The following TMEM236 variants were observed in gnomAD, a reference collection of about 807,000 sequenced individuals.
TMEM236 encodes the protein transmembrane protein 236.
A neutral mutation model predicts 14.7 loss-of-function variants in TMEM236; 11 were observed. The ratio of observed to expected loss-of-function variants is 0.75; its 90% confidence interval spans 0.47 to 1.24. The LOEUF is 1.24. TMEM236 is among the 50% of genes most tolerant of loss of function. TMEM236 has a pLI of 0.00. For missense variants in TMEM236, 464 were observed against 427.3 expected, an observed-to-expected ratio of 1.09 and a Z score of -0.76; for synonymous variants, 182 against 168.6, an observed-to-expected ratio of 1.08 and a Z score of -0.62.
rs1024864510 is a variant in TMEM236 at position 17,761,708 on chromosome 10, A to G, written c.257+9156A>G. On this transcript the variant is annotated intron_variant, in intron 1 of 3. Transcript: ENST00000377495. ...GACTATGTCTCAAAAAAAAAAAAAA[A>G]AAAGAAAAGGAAGTTTTCTGTATCT... Among the ~76,000 whole-genome samples the G allele has an allele frequency of 4.6e-5, 7 of 151,634 alleles. No homozygotes were observed. The East Asian group carries it at 1.2e-3, about 25-fold the overall frequency.
intron 1 of TMEM236, among the ~76,000 whole-genome samples, chr10:17,764,829 G>T (rs1009059898): frequency 0.26 from 24,191 of 93,494 alleles, 2,606 homozygotes; most frequent in African/African-American, 0.42. Context: ...TCTGTTTTCA[G>T]ATTTTCCCTT....
chr10:17,782,378 G>A (rs1837765953), intron 3 of TMEM236, among the ~76,000 whole-genome samples: 1 of 151,922 alleles, frequency 6.6e-6, no homozygotes, highest in East Asian at 1.9e-4. Flanking sequence ...CATGTGTTAA[G>A]AAAACCTATT....
At chr10:17,758,226 A>G (rs1837310006) in intron 1 of TMEM236, among the ~76,000 whole-genome samples, 1 of 152,264 alleles carries the variant, frequency 6.6e-6, no homozygotes, top group East Asian at 1.9e-4. Context: ...GATTGAGCAT[A>G]TGAATTATTT....
intron 3 of TMEM236, among the ~76,000 whole-genome samples, chr10:17,779,742 G>T (rs1356430472): frequency 1.3e-5 from 2 of 152,002 alleles, no homozygotes; most frequent in East Asian, 3.9e-4. Context: ...ACCCACAGTG[G>T]GTCTCCTGTG....
intron 3 of TMEM236, among the ~76,000 whole-genome samples, chr10:17,791,274 C>T (rs544038977): frequency 1.6e-4 from 23 of 145,144 alleles, no homozygotes; most frequent in South Asian, 4.4e-4. Flanking sequence ...GCAAGTCATC[C>T]GTGTCTCTAT....
chr10:17,774,677 A>AT (rs1306091812), intron 2 of TMEM236, among the ~76,000 whole-genome samples: 1 of 151,944 alleles, frequency 6.6e-6, no homozygotes, highest in African/African-American at 2.4e-5. Context: ...TGCCTTTTTA[A>AT]TTTTCATATA....
chr10:17,754,921 A>T (rs1837261285), intron 1 of TMEM236, among the ~76,000 whole-genome samples: 1 of 93,946 alleles, frequency 1.1e-5, no homozygotes, highest in African/African-American at 4.7e-5. Flanking sequence ...TTTCATACTG[A>T]TGTTTTATTT....
In TMEM236 at chr10:17,771,360, C is replaced by A. The variant is rs782118250; in HGVS notation, c.309C>A (p.Thr103=). ...TCCTCACCACACTGCCCTGCCTCAC[C>A]TTTTCCATAGCAGTGACTGAGGTAT... ...CVVLTTLPCL[T]FSIAVTEVQK... The change falls in exon 2 of 4, where the codon ACC becomes ACA. Residue 103 remains threonine (T), a synonymous_variant. Transcript: ENST00000377495. The A allele has an allele frequency of 1.5e-5, 24 of 1,613,782 alleles. No homozygotes were observed. Among genetic ancestry groups the A allele is most frequent in the Middle Eastern group, 3.3e-4 (2 of 6,078 alleles).
chr10:17,752,346 T>C lies in TMEM236; in HGVS notation c.51T>C (p.Phe17=). Residue 17 remains phenylalanine (F), a synonymous_variant, in exon 1 of 4, where the codon TTT becomes TTC. Transcript: ENST00000377495. ...TCGTGGTTTTTGAGCTCCTAGAGTT[T>C]GCCGCTTTCTCCATCCCCACACTCG... ...IKFVVFELLE[F]AAFSIPTLVI... The C allele has an allele frequency of 4.3e-6, 7 of 1,613,846 alleles. No homozygotes were observed. The Admixed American group carries it at 1.2e-4, about 27-fold the overall frequency.
At position 17,799,773 on chromosome 10, in the gene TMEM236, A is replaced by C. The variant is rs1023036989; in HGVS notation, c.*3269A>C. On this transcript the variant is annotated 3_prime_UTR_variant, in exon 4 of 4. Coordinates refer to ENST00000377495, the MANE Select transcript of TMEM236 (RefSeq NM_001098844.3). ...GTGCTCAGATAAACTCAAAAGTATT[A>C]CTTGAGTTTAGAATGCATTTTGTAT... 6.6e-6 allele frequency: 1 copy of C among 152,598 alleles called. No homozygotes were observed. Among genetic ancestry groups the C allele is most frequent in the African/African-American group, 2.4e-5 (1 of 41,434 alleles). The allele number at this position is 152,598 out of a possible 1,614,324, so 9.5% of individuals were successfully genotyped here. A position where few individuals can be genotyped will look rare whatever the true frequency, so the allele number is the denominator to read the frequency against.
intron 3 of TMEM236, among the ~76,000 whole-genome samples, chr10:17,784,251 G>A (rs930745676): frequency 4.7e-4 from 71 of 152,202 alleles, no homozygotes; most frequent in Non-Finnish European, 8.7e-4. Flanking sequence ...ATACAAGTTG[G>A]TTAATTTATA....
rs781848506 is a variant in TMEM236 at position 17,774,798 on chromosome 10, TTCTC to T, written c.331-1209_331-1206del. ...CTCCCTCCCTCCTTCCCTACCTCCT[TTCTC>T]TCTCTCTCTCTCTCTCTCTCTTTCT... On this transcript the variant is annotated intron_variant, in intron 2 of 3. Coordinates refer to ENST00000377495, the MANE Select transcript of TMEM236 (RefSeq NM_001098844.3). Among the ~76,000 whole-genome samples the T allele has an allele frequency of 6.5e-4, 92 of 142,154 alleles. No homozygotes were observed. In the South Asian group the frequency reaches 0.011, roughly 16 times the overall value. The allele number at this position is 142,154 out of a possible 152,430, so 93.3% of individuals were successfully genotyped here. A position where few individuals can be genotyped will look rare whatever the true frequency, so the allele number is the denominator to read the frequency against.
intron 3 of TMEM236, among the ~76,000 whole-genome samples, chr10:17,792,191 AAT>A (rs1837936516): frequency 6.6e-6 from 1 of 152,070 alleles, no homozygotes; most frequent in South Asian, 2.1e-4. Context: ...GGGTTCAAGT[AAT>A]TTTCCTGCCT....
intron 3 of TMEM236, among the ~76,000 whole-genome samples, chr10:17,787,991 TGA>T (rs1837866177): frequency 6.6e-6 from 1 of 152,060 alleles, no homozygotes; most frequent in Non-Finnish European, 1.5e-5. Context: ...TCTTTGGCAA[TGA>T]GATAACTATA....
rs1304376384 is a variant in TMEM236 at position 17,773,967 on chromosome 10, TAGA to T, written c.331-2058_331-2056del. Among the ~76,000 whole-genome samples the T allele has an allele frequency of 2.6e-5, 4 of 152,218 alleles. No homozygotes were observed. In the East Asian group the frequency reaches 5.8e-4, roughly 22 times the overall value. ...GGATAGTGCTTGGGTCACTCACTTGTAGAAGATTTTGTCATTGTGAATCTGAAT... is the reference window on the plus strand; with the variant it reads ...GGATAGTGCTTGGGTCACTCACTTGTAGATTTTGTCATTGTGAATCTGAAT... On this transcript the variant is annotated intron_variant, in intron 2 of 3. Transcript: ENST00000377495.
At chr10:17,762,590 T>TAC (rs1837385209) in intron 1 of TMEM236, among the ~76,000 whole-genome samples, 1 of 70,112 alleles carries the variant, frequency 1.4e-5, no homozygotes, top group Non-Finnish European at 2.3e-5. Flanking sequence ...TATATATATA[T>TAC]ATATATATAT....
In TMEM236 at chr10:17,799,999, C is replaced by A. The variant is rs1012918979; in HGVS notation, c.*3495C>A. ...ATAGATATTACAGCAAATTACACTG[C>A]GAAAACATTGATAGTTCTACACTGT... On this transcript the variant is annotated 3_prime_UTR_variant, in exon 4 of 4. Coordinates refer to ENST00000377495, the MANE Select transcript of TMEM236 (RefSeq NM_001098844.3). 29,787 of 152,026 alleles carry A rather than the reference C, an allele frequency of 0.2. 3,280 individuals are homozygous for A. The highest frequency in any genetic ancestry group is 0.24 in the Non-Finnish European group (16,545 of 67,890). The allele number at this position is 152,026 out of a possible 1,614,324, so 9.4% of individuals were successfully genotyped here.
intron 1 of TMEM236, among the ~76,000 whole-genome samples, chr10:17,760,160 A>T (rs2131741410): frequency 6.6e-6 from 1 of 152,268 alleles, no homozygotes; most frequent in East Asian, 1.9e-4. Flanking sequence ...CTGAGAGATC[A>T]TTAATTGGTA....
At chr10:17,780,435 GACA>G (rs1218780571) in intron 3 of TMEM236, among the ~76,000 whole-genome samples, 2 of 152,156 alleles carry the variant, frequency 1.3e-5, no homozygotes, top group Non-Finnish European at 2.9e-5. Flanking sequence ...GCCCAGGCCA[GACA>G]TGCTGTTACA....
Sources: gnomAD v4.1 joint callset for allele counts (sites outside exome capture counted in the v4.1 genomes callset) on GRCh38, gnomAD v4.1.1 for gene constraint, MANE v1.5 for transcripts, NCBI Gene and HGNC (gene_info 2026-07-23, HGNC 2026-07-21) for gene names.